Variants in PPL observed in about 807,000 individuals in gnomAD.
PPL encodes periplakin.
In PPL, 198 loss-of-function variants were observed where a neutral mutation model predicts 194.4. That is an observed-to-expected ratio of 1.02 (90% CI 0.91 to 1.15). The LOEUF (loss-of-function observed/expected upper bound fraction) is 1.15, where lower values mean the gene tolerates loss of function less well. Among genes scored for constraint, PPL ranks in the 50% most tolerant of loss-of-function variants. The pLI is 0.00. For missense variants in PPL, 2,885 were observed against 2,294.8 expected (o/e 1.26, Z -5.25); for synonymous variants, 1,220 against 972.4 (o/e 1.25, Z -4.74).
At chr16:4,895,198 GA>G in intron 11 of PPL, 62 bp downstream of exon 11, 1 of 1,506,844 alleles carries the variant, frequency 6.6e-7, no homozygotes, top group Non-Finnish European at 8.9e-7. Context: ...TGAGGCCCGG[GA>G]TCCAACCATG....
intron 6 of PPL, 51 bp downstream of exon 6, chr16:4,900,779 T>C: frequency 1.9e-6 from 3 of 1,612,374 alleles, no homozygotes; most frequent in Non-Finnish European, 2.5e-6. Context: ...GACTCCAAGC[T>C]TCCCATCCTC....
intron 1 of PPL, among the ~76,000 whole-genome samples, chr16:4,925,176 C>T (rs1437667625): frequency 1.3e-5 from 2 of 152,202 alleles, no homozygotes; most frequent in Non-Finnish European, 2.9e-5. Flanking sequence ...GTCCCAGAGC[C>T]CAGAGAAGGG....
In PPL at chr16:4,885,820, C is replaced by T. The variant is rs780336402; in HGVS notation, c.2835G>A (p.Val945=). 7 of 1,608,406 alleles carry T rather than the reference C, an allele frequency of 4.4e-6. No homozygotes were observed. In the South Asian group the frequency reaches 7.7e-5, roughly 18 times the overall value. The change falls in exon 22 of 22, where the codon GTG becomes GTA. Residue 945 remains valine, a synonymous_variant. Coordinates refer to ENST00000345988, the MANE Select transcript of PPL (RefSeq NM_002705.5). The surrounding 1 kb of genome is among the most constrained non-coding windows in gnomAD (Gnocchi z 6.3). ...KEVLKKVPDP[V]LEESFQQLQR... ...GCAGCTGCTGGAAGCTCTCCTCCAG[C>T]ACGGGATCCGGCACCTTCTTGAGCA...
Position 4,887,159 on chromosome 16 carries a change from C to G in PPL, c.2583G>C (p.Glu861Asp). 6.2e-7 allele frequency: 1 copy of G among 1,614,094 alleles called. No homozygotes were observed. The highest frequency in any genetic ancestry group is 8.5e-7 in the Non-Finnish European group (1 of 1,179,924). Reference protein sequence around the residue: ...AINRQRLQNLEFALNLLRQQP... With the variant: ...AINRQRLQNLDFALNLLRQQP... ...CCTGTCTGAGGAGATTCAGAGCAAA[C>G]TCCAGATTCTGCAGCCTCTGTCTGT... Residue 861 changes from glutamate to aspartate, a missense_variant, in exon 21 of 22, where the codon GAG becomes GAC. Physicochemically the swap from Glu to Asp is conservative, Grantham distance 45 (BLOSUM62 2). Coordinates refer to ENST00000345988, the MANE Select transcript of PPL (RefSeq NM_002705.5).
chr16:4,920,333 A>AAGAAAGAGAG (rs71386503), intron 1 of PPL, among the ~76,000 whole-genome samples: 2 of 73,660 alleles, frequency 2.7e-5, no homozygotes, highest in Non-Finnish European at 7.6e-5. Flanking sequence ...GAAAGAAAGA[A>AAGAAAGAGAG]AGAGAGAGAG....
rs1049223 is a variant in PPL, at chr16:4,882,658, G to A, written c.*726C>T. On this transcript the variant is annotated 3_prime_UTR_variant, in exon 22 of 22. Transcript: ENST00000345988. ...AACTGTTTTGTATACCTAAATACCA[G>A]TGAGATAATAAGCGAGACTTGTAAA... 131,995 of 152,290 alleles carry A rather than the reference G, an allele frequency of 0.87. 60,357 individuals are homozygous for A. The highest frequency in any genetic ancestry group is 1 in the East Asian group (5,191 of 5,192). 9.4% of individuals were successfully genotyped at this position (152,290 alleles called of 1,614,324 possible).
intron 1 of PPL, among the ~76,000 whole-genome samples, chr16:4,926,953 T>G (rs1347110223): frequency 6.6e-6 from 1 of 151,328 alleles, no homozygotes; most frequent in Non-Finnish European, 1.5e-5. Flanking sequence ...TCATCCACTG[T>G]GTTCCATTTA....
chr16:4,925,977 G>A (rs1283510482), intron 1 of PPL, among the ~76,000 whole-genome samples: 3 of 152,158 alleles, frequency 2.0e-5, no homozygotes, highest in Non-Finnish European at 2.9e-5. Context: ...ATTAGTGATG[G>A]TAAACGGAGA....
intron 1 of PPL, among the ~76,000 whole-genome samples, chr16:4,922,448 G>A (rs1165785962): frequency 6.6e-6 from 1 of 152,144 alleles, no homozygotes; most frequent in South Asian, 2.1e-4. Flanking sequence ...GATCACCTGA[G>A]GTCAGGAGTT....
chr16:4,920,358 A>C (rs926846019), intron 1 of PPL, among the ~76,000 whole-genome samples: 21 of 71,848 alleles, frequency 2.9e-4, no homozygotes, highest in Non-Finnish European at 6.5e-4. Flanking sequence ...AAAGAAAGAA[A>C]GAAAGAAAGA....
intron 1 of PPL, among the ~76,000 whole-genome samples, chr16:4,914,129 G>A (rs1186902445): frequency 6.6e-6 from 1 of 152,176 alleles, no homozygotes; most frequent in African/African-American, 2.4e-5. Flanking sequence ...CTCCAATGAG[G>A]ACACGCCATA....
In PPL at chr16:4,884,263, G is replaced by C. The variant is rs2088166278; in HGVS notation, c.4392C>G (p.Leu1464=). ...QQAREHALLR[L]QLEEEQHRRQ... The stretch of plus-strand genomic sequence containing the variant: ...GCCGGTGCTGCTCTTCTTCCAGCTG[G>C]AGTCGGAGCAGGGCATGCTCTCGCG... Residue 1464 remains leucine (L), a synonymous_variant, in exon 22 of 22, where the codon CTC becomes CTG. Transcript: ENST00000345988. This position sits in a 1 kb window ranked among gnomAD's most constrained non-coding sequence, Gnocchi z 5.7. 6.2e-7 allele frequency: 1 copy of C among 1,613,020 alleles called. No homozygotes were observed. The highest frequency in any genetic ancestry group is 8.5e-7 in the Non-Finnish European group (1 of 1,179,790).
chr16:4,900,214 G>A (rs1424891882), intron 6 of PPL, among the ~76,000 whole-genome samples: 1 of 152,142 alleles, frequency 6.6e-6, no homozygotes, highest in Non-Finnish European at 1.5e-5. Flanking sequence ...TTCTTTAAAG[G>A]TTTGGGAAGG....
intron 1 of PPL, among the ~76,000 whole-genome samples, chr16:4,922,442 A>T (rs2089068153): frequency 6.6e-6 from 1 of 152,132 alleles, no homozygotes; most frequent in African/African-American, 2.4e-5. Context: ...TGGGCAGATC[A>T]CCTGAGGTCA....
Position 4,893,369 on chromosome 16 carries a change from A to T in PPL, c.1494T>A (p.Asp498Glu). The change falls in exon 14 of 22, where the codon GAT (aspartate) becomes GAA (glutamate). Residue 498 changes from aspartate (D) to glutamate (E), a missense_variant and splice_region_variant. Physicochemically the swap from Asp to Glu is conservative, Grantham distance 45. Transcript: ENST00000345988. ...GCTGCCGCCCCTGTAGGTCAGAGGC[A>T]TCTGTGGAGGGAGGGAGGACACAGG... ...YEVLKTENPG[D>E]ASDLQGRQLL... is the part of the protein sequence containing the mutation. 1 of 1,606,254 alleles carries T rather than the reference A, an allele frequency of 6.2e-7. No homozygotes were observed.
At chr16:4,919,483 C>T (rs746537783) in intron 1 of PPL, among the ~76,000 whole-genome samples, 2 of 152,096 alleles carry the variant, frequency 1.3e-5, no homozygotes, top group East Asian at 1.9e-4. Context: ...AGGCTAGTCC[C>T]GAACTCCTGG....
chr16:4,900,395 G>A (rs58276452), intron 6 of PPL, among the ~76,000 whole-genome samples: 2,997 of 135,416 alleles, frequency 0.022, 102 homozygotes, highest in African/African-American at 0.076. Flanking sequence ...CTCTCTTCCC[G>A]CCTCAACCCC....
intron 1 of PPL, among the ~76,000 whole-genome samples, chr16:4,929,034 AAAAAAAAAAG>A: frequency 1.3e-5 from 2 of 150,398 alleles, no homozygotes; most frequent in African/African-American, 4.9e-5. Context: ...AAAAAAAAAA[AAAAAAAAAAG>A]ATCTGCCGAG....
In PPL at chr16:4,888,595, T is replaced by C. The variant is rs370912934; in HGVS notation, c.2398-377A>G. On this transcript the variant is annotated intron_variant, in intron 19 of 21. Transcript: ENST00000345988. ...ACCAGCTTGCTGACTTTATAATCCA[T>C]CAGGTGGATGTGTGCTGATTCACGC... 23 of 309,144 alleles carry C rather than the reference T, an allele frequency of 7.4e-5. No individual in the cohort carries two copies. In the East Asian group the frequency reaches 1.1e-3, roughly 15 times the overall value. The allele number at this position is 309,144 out of a possible 1,614,324, so 19.2% of individuals were successfully genotyped here.
Sources: allele counts gnomAD v4.1 joint callset (sites outside exome capture counted in the v4.1 genomes callset), GRCh38; gene constraint gnomAD v4.1.1; non-coding constraint Gnocchi (gnomAD v3.1); transcripts MANE v1.5; gene names NCBI Gene and HGNC (gene_info 2026-07-23, HGNC 2026-07-21).